Variants in RORA observed in about 807,000 individuals in gnomAD.
RORA encodes the protein nuclear receptor ROR-alpha.
Under a neutral mutation model 69.5 loss-of-function variants are expected in RORA, and 7 were observed. The ratio of observed to expected loss-of-function variants is 0.10; its 90% CI spans 0.06 to 0.19. RORA has a LOEUF of 0.19. Ranked by LOEUF, RORA falls within the 10% of genes least tolerant of loss-of-function variation. The pLI is 1.00. For missense variants in RORA, 457 were observed against 663.0 expected (o/e 0.69, Z 3.41); for synonymous variants, 261 against 240.8 (o/e 1.08, Z -0.78).
intron 4 of RORA, among the ~76,000 whole-genome samples, chr15:60,512,656 GA>G (rs1439165804): frequency 6.6e-6 from 1 of 152,154 alleles, no homozygotes; most frequent in East Asian, 1.9e-4. Flanking sequence ...TCAGGATTTG[GA>G]AAGGACAAAT....
At chr15:61,046,250 T>A (rs904332847) in intron 1 of RORA, among the ~76,000 whole-genome samples, 1 of 152,218 alleles carries the variant, frequency 6.6e-6, no homozygotes, top group African/African-American at 2.4e-5. Flanking sequence ...AAAAGAGGAA[T>A]CTACGTCTGG....
At chr15:61,204,085 GGT>G (rs2079918046) in intron 1 of RORA, among the ~76,000 whole-genome samples, 1 of 152,182 alleles carries the variant, frequency 6.6e-6, no homozygotes, top group Non-Finnish European at 1.5e-5. Context: ...TGTGAATTCA[GGT>G]GAGTTGTGAG....
At chr15:60,611,443 C>A in intron 2 of RORA, among the ~76,000 whole-genome samples, 1 of 151,378 alleles carries the variant, frequency 6.6e-6, no homozygotes, top group Admixed American at 6.6e-5. Context: ...TTATGTACTA[C>A]GAGTTTTCTA....
At chr15:60,601,401 A>G (rs2068805990) in intron 2 of RORA, among the ~76,000 whole-genome samples, 2 of 152,230 alleles carry the variant, frequency 1.3e-5, no homozygotes, top group African/African-American at 4.8e-5. Context: ...CACTTGCTAC[A>G]TACCAAATTA....
At chr15:60,664,627 C>T (rs995580985) in intron 2 of RORA, among the ~76,000 whole-genome samples, 5 of 152,246 alleles carry the variant, frequency 3.3e-5, no homozygotes, top group Non-Finnish European at 5.9e-5. Flanking sequence ...ATGGACTTTA[C>T]GTTACAGGCA....
chr15:61,130,206 G>A (rs902098585), intron 1 of RORA, among the ~76,000 whole-genome samples: 10 of 152,122 alleles, frequency 6.6e-5, no homozygotes, highest in African/African-American at 2.2e-4. Context: ...ATAATTTACT[G>A]GTTATTTCAT....
chr15:61,117,378 A>T (rs1221230501), intron 1 of RORA, among the ~76,000 whole-genome samples: 1 of 152,088 alleles, frequency 6.6e-6, no homozygotes, highest in Non-Finnish European at 1.5e-5. Flanking sequence ...CTCCATTTTA[A>T]TGTGTAGATA....
intron 1 of RORA, among the ~76,000 whole-genome samples, chr15:61,101,400 T>A (rs1017356770): frequency 3.3e-5 from 5 of 151,934 alleles, no homozygotes; most frequent in African/African-American, 1.2e-4. Flanking sequence ...GGGTCAGCTG[T>A]GGAGAGAATA....
At chr15:60,887,810 C>T (rs1045992518) in intron 1 of RORA, among the ~76,000 whole-genome samples, 1 of 152,178 alleles carries the variant, frequency 6.6e-6, no homozygotes, top group Non-Finnish European at 1.5e-5. Context: ...CTGCGGGCAT[C>T]AGCAGGAGAA....
intron 1 of RORA, among the ~76,000 whole-genome samples, chr15:60,999,491 T>C (rs549434140): frequency 4.1e-4 from 63 of 152,228 alleles, no homozygotes; most frequent in Non-Finnish European, 7.8e-4. Context: ...TGTATCCCCA[T>C]TTCACATGGG....
At chr15:61,200,622 T>C (rs578135683) in intron 1 of RORA, among the ~76,000 whole-genome samples, 7 of 152,210 alleles carry the variant, frequency 4.6e-5, no homozygotes, top group Admixed American at 2.0e-4. Flanking sequence ...TTGTTCACAA[T>C]TGTGGCACCT....
In RORA at chr15:60,666,442, C is replaced by T. The variant is rs577648065; in HGVS notation, c.196+12215G>A. ...CTCAGCAATCCCCCCTCCTCAGCCT[C>T]CCAAAGTGCTGGGACTACAGGCATG... On this transcript the variant is annotated intron_variant, in intron 2 of 10. Coordinates refer to ENST00000335670, the MANE Select transcript of RORA (RefSeq NM_134261.3). Among the ~76,000 whole-genome samples the T allele has an allele frequency of 2.3e-4, 35 of 151,286 alleles. 1 individual carries two copies. The South Asian group carries it at 7.1e-3, about 31-fold the overall frequency.
intron 4 of RORA, among the ~76,000 whole-genome samples, chr15:60,513,042 A>G (rs569711234): frequency 5.9e-5 from 9 of 152,186 alleles, no homozygotes; most frequent in Admixed American, 1.3e-4. Flanking sequence ...CTAGGGCAGG[A>G]GGCAGGATAG....
At chr15:61,198,305 C>A (rs2079863153) in intron 1 of RORA, among the ~76,000 whole-genome samples, 1 of 152,142 alleles carries the variant, frequency 6.6e-6, no homozygotes, top group Non-Finnish European at 1.5e-5. Context: ...ACCATTGTAA[C>A]ATCTTCCAAT....
intron 1 of RORA, among the ~76,000 whole-genome samples, chr15:60,865,182 G>C (rs896535948): frequency 6.6e-6 from 1 of 152,284 alleles, no homozygotes; most frequent in Admixed American, 6.5e-5. Context: ...ACCCTGAACA[G>C]GGCTCCCTGT....
intron 1 of RORA, among the ~76,000 whole-genome samples, chr15:60,799,556 T>A (rs911612668): frequency 2.6e-5 from 4 of 152,224 alleles, no homozygotes; most frequent in Non-Finnish European, 5.9e-5. Context: ...ATTTATTTAA[T>A]TAATTTATAA....
intron 1 of RORA, among the ~76,000 whole-genome samples, chr15:61,172,806 G>A (rs946149116): frequency 4.6e-5 from 7 of 152,102 alleles, no homozygotes; most frequent in African/African-American, 1.7e-4. Flanking sequence ...TAAGTCTAAG[G>A]GTCCCCTAAG....
intron 1 of RORA, among the ~76,000 whole-genome samples, chr15:61,059,321 T>A (rs977145178): frequency 6.6e-6 from 1 of 152,206 alleles, no homozygotes; most frequent in Non-Finnish European, 1.5e-5. Context: ...AAACATAAGA[T>A]GTAGGCCAAT....
chr15:60,588,301 G>A (rs1445557520), intron 2 of RORA, among the ~76,000 whole-genome samples: 3 of 152,174 alleles, frequency 2.0e-5, no homozygotes, highest in Admixed American at 6.5e-5. Context: ...AATAAGTGCT[G>A]TAAATAGTAA....
Sources: gnomAD v4.1 joint callset for allele counts (sites outside exome capture counted in the v4.1 genomes callset) on GRCh38, gnomAD v4.1.1 for gene constraint, MANE v1.5 for transcripts, NCBI Gene and HGNC (gene_info 2026-07-23, HGNC 2026-07-21) for gene names.